OPCML: variants seen among roughly 807,000 people sequenced by gnomAD.
The protein encoded by OPCML is opioid-binding protein/cell adhesion molecule.
Under a neutral mutation model 37.8 loss-of-function variants are expected in OPCML, and 13 were observed. That is an observed-to-expected ratio of 0.34 (90% confidence interval 0.22 to 0.55). The LOEUF (loss-of-function observed/expected upper bound fraction) is 0.55, where lower values mean the gene tolerates loss of function less well. Ranked by LOEUF, OPCML falls within the 20% of genes least tolerant of loss-of-function variation. OPCML has a pLI of 0.91. For synonymous variants in OPCML, 176 were observed against 168.8 expected (o/e 1.04, Z -0.33); for missense variants, 341 against 435.6 (o/e 0.78, Z 1.93).
chr11:133,077,698 C>A (rs1320086205), intron 1 of OPCML, among the ~76,000 whole-genome samples: 1 of 152,008 alleles, frequency 6.6e-6, no homozygotes, highest in Non-Finnish European at 1.5e-5. Flanking sequence ...CATAAAAACA[C>A]CAAGGGATGA....
At chr11:133,140,519 T>TAAGAAGAAGAAGAAGAAG (rs1488982025) in intron 1 of OPCML, among the ~76,000 whole-genome samples, 1 of 68,114 alleles carries the variant, frequency 1.5e-5, no homozygotes, top group Non-Finnish European at 3.1e-5. Flanking sequence ...CTCAAAATAA[T>TAAGAAGAAGAAGAAGAAG]AATAATAATA....
chr11:132,867,492 G>A (rs2136381414), intron 2 of OPCML, among the ~76,000 whole-genome samples: 1 of 152,302 alleles, frequency 6.6e-6, no homozygotes, highest in Non-Finnish European at 1.5e-5. Context: ...ATGATATAAA[G>A]TTAAGCCCTC....
At position 132,436,174 on chromosome 11, in the gene OPCML, G is replaced by A. The variant is rs1338545291; in HGVS notation, c.828C>T (p.Phe276=). 1.2e-6 allele frequency: 2 copies of A among 1,614,222 alleles called. No individual in the cohort carries two copies. The highest frequency in any genetic ancestry group is 2.2e-5 in the South Asian group (2 of 91,088). The change falls in exon 7 of 8, where the codon TTC becomes TTT. Residue 276 remains phenylalanine, a synonymous_variant. Transcript: ENST00000524381. ...ENKGRMSTLT[F]FNVSEKDYGN... ...CATAATCCTTTTCTGAAACATTGAA[G>A]AAAGTCAGAGTGGACATGCGGCCTT...
chr11:133,313,499 T>A (rs1943114975), intron 1 of OPCML, among the ~76,000 whole-genome samples: 1 of 152,234 alleles, frequency 6.6e-6, no homozygotes, highest in Admixed American at 6.5e-5. Flanking sequence ...AAAGACCTTG[T>A]GATGGAAAGA....
chr11:132,937,595 G>GGGGTGT (rs1480686802), intron 2 of OPCML, among the ~76,000 whole-genome samples: 15 of 88,828 alleles, frequency 1.7e-4, no homozygotes, highest in African/African-American at 4.8e-4. Context: ...GCGTGTGTGG[G>GGGGTGT]GTGTGTGTGT....
chr11:133,003,997 G>T (rs1198385419), intron 1 of OPCML: 1 of 985,436 alleles, frequency 1.0e-6, no homozygotes. Context: ...GCACCCCGAG[G>T]AAGTGGCACA....
At chr11:133,451,983 C>T (rs1367471757) in intron 1 of OPCML, among the ~76,000 whole-genome samples, 2 of 151,446 alleles carry the variant, frequency 1.3e-5, no homozygotes, top group East Asian at 1.9e-4. Context: ...AGAGGTTGGA[C>T]TTTGATTATT....
At chr11:133,138,496 C>A (rs1949724581) in intron 1 of OPCML, among the ~76,000 whole-genome samples, 1 of 152,164 alleles carries the variant, frequency 6.6e-6, no homozygotes, top group African/African-American at 2.4e-5. Flanking sequence ...CAGTATCTAC[C>A]TCTGATTTGG....
intron 1 of OPCML, among the ~76,000 whole-genome samples, chr11:133,045,386 G>T (rs1323516420): frequency 6.6e-6 from 1 of 152,162 alleles, no homozygotes; most frequent in Non-Finnish European, 1.5e-5. Flanking sequence ...GTAAACAAGG[G>T]ACCCACGCAC....
intron 1 of OPCML, among the ~76,000 whole-genome samples, chr11:133,098,191 C>T (rs1420581647): frequency 6.6e-6 from 1 of 151,160 alleles, no homozygotes; most frequent in Non-Finnish European, 1.5e-5. Context: ...GGATTTATCC[C>T]AGGTATGCAA....
chr11:133,093,762 A>T (rs1297478714), intron 1 of OPCML, among the ~76,000 whole-genome samples: 2 of 143,736 alleles, frequency 1.4e-5, no homozygotes, highest in Non-Finnish European at 3.1e-5. Flanking sequence ...TGCTAAGGTT[A>T]GCAATCTGTA....
chr11:132,924,813 A>C (rs1944933757), intron 2 of OPCML, among the ~76,000 whole-genome samples: 1 of 152,204 alleles, frequency 6.6e-6, no homozygotes, highest in South Asian at 2.1e-4. Context: ...GGTGTCCGGC[A>C]TTAATCTTGG....
intron 4 of OPCML, among the ~76,000 whole-genome samples, chr11:132,458,345 AC>A (rs1285477273): frequency 1.3e-5 from 2 of 152,164 alleles, no homozygotes. Context: ...CAGTGAACAC[AC>A]CCCTGACTAG....
At chr11:133,078,963 A>G (rs562460789) in intron 1 of OPCML, among the ~76,000 whole-genome samples, 14 of 152,228 alleles carry the variant, frequency 9.2e-5, no homozygotes, top group African/African-American at 3.1e-4. Context: ...GGCCACGTGA[A>G]TCTTTTTTAC....
intron 1 of OPCML, among the ~76,000 whole-genome samples, chr11:133,101,474 GCAT>G (rs1250599268): frequency 6.6e-6 from 1 of 152,098 alleles, no homozygotes; most frequent in African/African-American, 2.4e-5. Flanking sequence ...AAATTGCACA[GCAT>G]CATCATATGC....
chr11:132,626,842 CTCTCTT>C (rs1939775983), intron 3 of OPCML, among the ~76,000 whole-genome samples: 1 of 135,368 alleles, frequency 7.4e-6, no homozygotes, highest in Admixed American at 7.4e-5. Flanking sequence ...CTCTCTCTCT[CTCTCTT>C]TCTGTGTGTC....
intron 1 of OPCML, among the ~76,000 whole-genome samples, chr11:133,225,698 A>C (rs1213542233): frequency 1.3e-5 from 2 of 152,128 alleles, no homozygotes; most frequent in Non-Finnish European, 2.9e-5. Context: ...ACTTATCCGC[A>C]CTCAGTCAGG....
chr11:133,458,762 G>T (rs1158175650), intron 1 of OPCML, among the ~76,000 whole-genome samples: 1 of 107,756 alleles, frequency 9.3e-6, no homozygotes, highest in African/African-American at 4.9e-5. Flanking sequence ...TATACACATA[G>T]ATGCACGTGT....
chr11:132,831,413 C>A (rs1476788535), intron 2 of OPCML, among the ~76,000 whole-genome samples: 1 of 152,140 alleles, frequency 6.6e-6, no homozygotes, highest in Non-Finnish European at 1.5e-5. Context: ...GCACCCCCAC[C>A]ATAGCTCCAT....
Sources: allele counts gnomAD v4.1 joint callset (sites outside exome capture counted in the v4.1 genomes callset), GRCh38; gene constraint gnomAD v4.1.1; transcripts MANE v1.5; gene names NCBI Gene and HGNC (gene_info 2026-07-23, HGNC 2026-07-21).